PLPPR5: variants seen among roughly 807,000 people sequenced by gnomAD.
PLPPR5 encodes the protein phospholipid phosphatase related 5.
In PLPPR5, 16 loss-of-function variants were observed where a neutral mutation model predicts 33.9. The observed-to-expected ratio is 0.47, with a 90% CI of 0.32 to 0.72. The LOEUF (loss-of-function observed/expected upper bound fraction) is 0.72. PLPPR5 is among the 30% of genes least tolerant of loss of function. The pLI is 0.03. For synonymous variants in PLPPR5, 163 were observed against 150.3 expected, an observed-to-expected ratio of 1.08 and a Z score of -0.62; for missense variants, 301 against 406.7, an observed-to-expected ratio of 0.74 and a Z score of 2.23.
chr1:99,004,750 G>C lies in PLPPR5; in HGVS notation c.-79C>G. On this transcript the variant is annotated 5_prime_UTR_variant, in exon 1 of 6. Transcript: ENST00000263177. ...GCCCCCTCCCCGGTCCGCCGAGGCA[G>C]CCACCGGGGGCGCGGCGGCGGAGGC... The C allele has an allele frequency of 1.0e-6, 1 of 960,596 alleles. No individual in the cohort carries two copies. Among genetic ancestry groups the C allele is most frequent in the Non-Finnish European group, 1.4e-6 (1 of 739,366 alleles). The allele number at this position is 960,596 out of a possible 1,614,324, so 59.5% of individuals were successfully genotyped here. A position where few individuals can be genotyped will look rare whatever the true frequency, so the allele number is the denominator to read the frequency against.
intron 4 of PLPPR5, among the ~76,000 whole-genome samples, chr1:98,919,519 TGA>T (rs1649471843): frequency 6.6e-6 from 1 of 152,198 alleles, no homozygotes; most frequent in South Asian, 2.1e-4. Context: ...ATAAATGTGT[TGA>T]GTTTCCCAAA....
chr1:98,917,131 G>A (rs1278864413), intron 4 of PLPPR5, among the ~76,000 whole-genome samples: 2 of 151,980 alleles, frequency 1.3e-5, no homozygotes, highest in African/African-American at 4.8e-5. Context: ...TCAAGGAAAG[G>A]CAACATGCCA....
intron 1 of PLPPR5, among the ~76,000 whole-genome samples, chr1:98,994,297 A>T (rs1260688753): frequency 2.6e-5 from 4 of 151,578 alleles, no homozygotes; most frequent in African/African-American, 9.7e-5. Flanking sequence ...TCCCTCCTTT[A>T]CTCTCCTCTT....
chr1:98,942,466 G>T (rs1408234349), intron 3 of PLPPR5, among the ~76,000 whole-genome samples: 2 of 152,174 alleles, frequency 1.3e-5, no homozygotes, highest in Admixed American at 1.3e-4. Context: ...TAGCTTGTTA[G>T]ATCCTGTCTG....
chr1:98,902,712 C>T (rs902665561), intron 5 of PLPPR5, among the ~76,000 whole-genome samples: 5 of 152,008 alleles, frequency 3.3e-5, no homozygotes, highest in Non-Finnish European at 5.9e-5. Flanking sequence ...GGATCAGGTT[C>T]CCATCCATGT....
chr1:98,941,531 G>A (rs867141818), intron 3 of PLPPR5, among the ~76,000 whole-genome samples: 5 of 137,998 alleles, frequency 3.6e-5, no homozygotes, highest in Admixed American at 7.7e-5. Flanking sequence ...TTGAATTAAC[G>A]GAATTTATTT....
rs983164943 is a variant in PLPPR5 at position 98,996,014 on chromosome 1, G to T, written c.237+8421C>A. 5.3e-5 allele frequency among the ~76,000 whole-genome samples: 8 copies of T among 151,860 alleles called. 1 individual carries two copies. Among genetic ancestry groups the T allele is most frequent in the Non-Finnish European group, 1.2e-4 (8 of 67,970 alleles). ...AAATGTAAATAAAATACAATATAAA[G>T]TATAATATAAAGTTATTTGAGTTTC... On this transcript the variant is annotated intron_variant, in intron 1 of 5. Coordinates refer to ENST00000263177, the MANE Select transcript of PLPPR5 (RefSeq NM_001037317.2).
intron 3 of PLPPR5, among the ~76,000 whole-genome samples, chr1:98,925,626 T>C (rs1243955047): frequency 2.0e-5 from 3 of 152,218 alleles, no homozygotes; most frequent in African/African-American, 7.2e-5. Flanking sequence ...ACATCCTTTT[T>C]TGTGTAAATT....
At chr1:98,904,340 A>G (rs965609833) in intron 5 of PLPPR5, among the ~76,000 whole-genome samples, 1 of 149,896 alleles carries the variant, frequency 6.7e-6, no homozygotes. Flanking sequence ...AAGAAAAAAT[A>G]ATGCCTGGGT....
At chr1:98,910,748 C>A (rs778937483) in intron 5 of PLPPR5, among the ~76,000 whole-genome samples, 1 of 152,010 alleles carries the variant, frequency 6.6e-6, no homozygotes, top group Non-Finnish European at 1.5e-5. Context: ...TCACACTCAC[C>A]CACACTGGGA....
At chr1:98,904,188 T>C (rs1648807321) in intron 5 of PLPPR5, among the ~76,000 whole-genome samples, 2 of 152,002 alleles carry the variant, frequency 1.3e-5, no homozygotes, top group South Asian at 2.1e-4. Context: ...CATTGGGTAG[T>C]ATAGGTTGGT....
intron 1 of PLPPR5, among the ~76,000 whole-genome samples, chr1:98,962,292 C>G (rs1651277072): frequency 6.6e-6 from 1 of 151,500 alleles, no homozygotes; most frequent in South Asian, 2.1e-4. Context: ...TTAACATATG[C>G]ATTACCTCAC....
At chr1:98,981,636 CACAG>C (rs753693366) in intron 1 of PLPPR5, among the ~76,000 whole-genome samples, 137 of 152,152 alleles carry the variant, frequency 9.0e-4, no homozygotes, top group Admixed American at 3.7e-3. Flanking sequence ...ACCCATTACA[CACAG>C]ACAGACTTGT....
In PLPPR5 at chr1:98,892,795, G is replaced by T; in HGVS notation, c.*277C>A. ...AAACTAAAGTGAATGTTTTATTTAA[G>T]AATTTTGTTCATTTGGTCATCACAT... is the stretch of plus-strand genomic sequence containing the variant. On this transcript the variant is annotated 3_prime_UTR_variant, in exon 6 of 6. Coordinates refer to ENST00000263177, the MANE Select transcript of PLPPR5 (RefSeq NM_001037317.2). The T allele has an allele frequency of 2.9e-6, 1 of 339,842 alleles. No individual in the cohort carries two copies. The highest frequency in any genetic ancestry group is 6.6e-5 in the South Asian group (1 of 15,144). 21.1% of individuals were successfully genotyped at this position (339,842 alleles called of 1,614,324 possible). A position where few individuals can be genotyped will look rare whatever the true frequency, so the allele number is the denominator to read the frequency against.
chr1:98,900,533 T>G (rs1236987154), intron 5 of PLPPR5, among the ~76,000 whole-genome samples: 1 of 152,186 alleles, frequency 6.6e-6, no homozygotes, highest in Admixed American at 6.6e-5. Context: ...AATCTGATTA[T>G]AAATAAAATT....
intron 5 of PLPPR5, among the ~76,000 whole-genome samples, chr1:98,913,781 G>T (rs1225496870): frequency 6.6e-6 from 1 of 152,170 alleles, no homozygotes; most frequent in Non-Finnish European, 1.5e-5. Context: ...GCCAGTAGTA[G>T]CCCTCAGAGC....
intron 4 of PLPPR5, among the ~76,000 whole-genome samples, chr1:98,916,425 C>T (rs962172954): frequency 5.3e-5 from 8 of 152,168 alleles, no homozygotes; most frequent in African/African-American, 1.4e-4. Context: ...AGCTTCATGA[C>T]CCCACAAAGG....
chr1:98,990,057 C>T (rs1309148853), intron 1 of PLPPR5, among the ~76,000 whole-genome samples: 1 of 152,040 alleles, frequency 6.6e-6, no homozygotes, highest in Non-Finnish European at 1.5e-5. Context: ...AAAAAGTGTA[C>T]AAAGTATATA....
chr1:98,937,967 G>C (rs956252680), intron 3 of PLPPR5, among the ~76,000 whole-genome samples: 1 of 152,022 alleles, frequency 6.6e-6, no homozygotes, highest in African/African-American at 2.4e-5. Context: ...ATTACACATG[G>C]AAATTAATTC....
Sources: allele counts gnomAD v4.1 joint callset (sites outside exome capture counted in the v4.1 genomes callset), GRCh38; gene constraint gnomAD v4.1.1; transcripts MANE v1.5; gene names NCBI Gene and HGNC (gene_info 2026-07-23, HGNC 2026-07-21).